IQSEC1: variants seen among roughly 807,000 people sequenced by gnomAD.
The protein encoded by IQSEC1 is IQ motif and Sec7 domain ArfGEF 1.
A neutral mutation model predicts 91.0 loss-of-function variants in IQSEC1; 31 were observed. The observed-to-expected ratio is 0.34, with a 90% CI of 0.26 to 0.46. The LOEUF (loss-of-function observed/expected upper bound fraction) is 0.46. Ranked by LOEUF, IQSEC1 falls within the 20% of genes least tolerant of loss-of-function variation. IQSEC1 has a pLI of 1.00. For missense variants in IQSEC1, 1,388 were observed against 1,575.6 expected (o/e 0.88, Z 2.02); for synonymous variants, 699 against 662.6 (o/e 1.05, Z -0.84).
In IQSEC1 at chr3:12,901,162, G is replaced by A. The variant is rs1428955201; in HGVS notation, c.3166C>T (p.His1056Tyr). The change falls in exon 14 of 14, where the codon CAC becomes TAC. Residue 1056 changes from histidine (H) to tyrosine (Y), a missense_variant. Physicochemically the swap from His to Tyr is moderately conservative, Grantham distance 83. Transcript: ENST00000613206. ...HHPPQHIQHA[H>Y]QYHHGPHGGH... The stretch of plus-strand genomic sequence containing the variant: ...CCATGGGGGCCGTGGTGGTACTGGT[G>A]TGCGTGCTGGATGTGCTGGGGTGGG... 2 of 1,544,296 alleles carry A rather than the reference G, an allele frequency of 1.3e-6. No individual in the cohort carries two copies. The highest frequency in any genetic ancestry group is 1.7e-6 in the Non-Finnish European group (2 of 1,144,834).
chr3:13,213,058 G>C (rs59303147), intron 1 of IQSEC1, among the ~76,000 whole-genome samples: 2,215 of 152,120 alleles, frequency 0.015, 53 homozygotes, highest in African/African-American at 0.05. Context: ...AACTTTGATG[G>C]GGTCCAATTT....
intron 2 of IQSEC1, among the ~76,000 whole-genome samples, chr3:13,097,005 C>T (rs866974845): frequency 5.8e-4 from 88 of 152,202 alleles, no homozygotes; most frequent in African/African-American, 1.8e-3. Flanking sequence ...GGACTACAGG[C>T]GCCCGCCACC....
Position 13,069,819 on chromosome 3 carries a change from C to T in IQSEC1, c.23+3173G>A, listed in dbSNP as rs182194763. On this transcript the variant is annotated intron_variant, in intron 1 of 13. Coordinates refer to ENST00000613206, the MANE Select transcript of IQSEC1 (RefSeq NM_001134382.3). The stretch of plus-strand genomic sequence containing the variant: ...AATTGAGGGCCATCCTTCATTCAGA[C>T]ACCATTCATGAAGCTGCCAGTACAG... Among the ~76,000 whole-genome samples the T allele has an allele frequency of 2.4e-3, 360 of 152,334 alleles. 2 individuals are homozygous for T. Among genetic ancestry groups the T allele is most frequent in the South Asian group, 0.017 (84 of 4,830 alleles).
At chr3:13,036,585 C>T (rs1361362560) in intron 1 of IQSEC1, among the ~76,000 whole-genome samples, 1 of 152,216 alleles carries the variant, frequency 6.6e-6, no homozygotes, top group African/African-American at 2.4e-5. Flanking sequence ...CCACTCCTCC[C>T]TGGACTGAAC....
chr3:13,087,125 C>T lies in IQSEC1; in HGVS notation c.303-39603G>A, dbSNP rs577689500. ...ACCCTTTGAAGGTTTGGTGAAAATCCCACCCCAGACAACATTCTTCCTACA... is the reference window on the plus strand; with the variant it reads ...ACCCTTTGAAGGTTTGGTGAAAATCTCACCCCAGACAACATTCTTCCTACA... On this transcript the variant is annotated intron_variant, in intron 2 of 15. Coordinates refer to the IQSEC1 transcript ENST00000648114. Among the ~76,000 whole-genome samples the T allele has an allele frequency of 8.5e-5, 13 of 152,300 alleles. No individual in the cohort carries two copies. The East Asian group carries it at 2.1e-3, about 25-fold the overall frequency.
At chr3:13,131,852 C>T (rs1706626546) in intron 2 of IQSEC1, among the ~76,000 whole-genome samples, 1 of 151,972 alleles carries the variant, frequency 6.6e-6, no homozygotes, top group Admixed American at 6.6e-5. Context: ...TCTTTTTCTG[C>T]CTTCTTTTAG....
intron 1 of IQSEC1, among the ~76,000 whole-genome samples, chr3:13,040,012 G>A (rs543294008): frequency 2.5e-4 from 38 of 152,332 alleles, no homozygotes; most frequent in East Asian, 1.5e-3. Context: ...TGGCATTAGC[G>A]CGCAGAGTTG....
Position 13,282,943 on chromosome 3 carries a change from A to C in IQSEC1, c.40T>G (p.Tyr14Asp). ...ACGATCCGGGTCAGCTCCTGCAGGTACTCGGCCGCCTGGCCGGGGGGCTCG... is the reference window on the plus strand; with the variant it reads ...ACGATCCGGGTCAGCTCCTGCAGGTCCTCGGCCGCCTGGCCGGGGGGCTCG... The change falls in exon 1 of 16, where the codon TAC becomes GAC. Residue 14 changes from tyrosine to aspartate, a missense_variant. Transcript: ENST00000648114. This position sits in a 1 kb window ranked among gnomAD's most constrained non-coding sequence, Gnocchi z 6.4. Among the ~76,000 whole-genome samples, 1 of 145,652 alleles carries C rather than the reference A, an allele frequency of 6.9e-6. No homozygotes were observed. Among genetic ancestry groups the C allele is most frequent in the East Asian group, 2.0e-4 (1 of 4,976 alleles).
intron 1 of IQSEC1, among the ~76,000 whole-genome samples, chr3:13,072,515 G>A (rs1482557752): frequency 3.9e-5 from 6 of 152,232 alleles, no homozygotes; most frequent in African/African-American, 1.2e-4. Flanking sequence ...TGATGCCTCC[G>A]TGCTAGGGAC....
Position 13,017,545 on chromosome 3 carries a change from C to T in IQSEC1, c.23+55447G>A, listed in dbSNP as rs771706644. The stretch of plus-strand genomic sequence containing the variant: ...ACAACTCCGGTGAGGAAACCAGTAA[C>T]GCAAAGCCTTGGACTCAGGTCCTCC... On this transcript the variant is annotated intron_variant, in intron 1 of 13. Coordinates refer to ENST00000613206, the MANE Select transcript of IQSEC1 (RefSeq NM_001134382.3). Among the ~76,000 whole-genome samples, 15 of 152,318 alleles carry T rather than the reference C, an allele frequency of 9.8e-5. No homozygotes were observed. The South Asian group carries it at 1.2e-3, about 13-fold the overall frequency.
At chr3:13,277,137 A>AAAAAAAAAAAAAAAAAAAAAAAAAC (rs60347391) in intron 1 of IQSEC1, among the ~76,000 whole-genome samples, 4 of 118,328 alleles carry the variant, frequency 3.4e-5, no homozygotes, top group African/African-American at 1.5e-4. Context: ...AAAAAAAAAA[A>AAAAAAAAAAAAAAAAAAAAAAAAAC]CAGAAAACAA....
At chr3:12,930,311 G>A (rs1697556223) in intron 3 of IQSEC1, among the ~76,000 whole-genome samples, 1 of 152,202 alleles carries the variant, frequency 6.6e-6, no homozygotes, top group Non-Finnish European at 1.5e-5. Context: ...ATTGTGCTTG[G>A]CTCCAGTCCT....
rs1227044390 is a variant in IQSEC1, at chr3:12,901,323, G to T, written c.3005C>A (p.Pro1002His). 2.6e-6 allele frequency: 4 copies of T among 1,541,428 alleles called. No individual in the cohort carries two copies. The South Asian group carries it at 4.8e-5, about 18-fold the overall frequency. ...LPPPHPPVVL[P>H]HLQHSVAGHH... is the part of the protein sequence containing the mutation. ...GCCAGCCACAGAGTGCTGCAAGTGA[G>T]GCAGGACCACCGGTGGGTGGGGGGG... Residue 1002 changes from proline to histidine, a missense_variant, in exon 14 of 14, where the codon CCT (proline) becomes CAT (histidine). By Grantham distance (77) the Pro-to-His change is moderately conservative. Coordinates refer to ENST00000613206, the MANE Select transcript of IQSEC1 (RefSeq NM_001134382.3).
At chr3:12,998,862 G>T (rs901241591) in intron 1 of IQSEC1, among the ~76,000 whole-genome samples, 5 of 152,140 alleles carry the variant, frequency 3.3e-5, no homozygotes, top group African/African-American at 9.6e-5. Context: ...GCTATAAAGT[G>T]GGGGGTCGGG....
chr3:13,218,603 T>G (rs1177968843), intron 1 of IQSEC1, among the ~76,000 whole-genome samples: 1 of 152,238 alleles, frequency 6.6e-6, no homozygotes, highest in African/African-American at 2.4e-5. Context: ...TAAAATTTTT[T>G]CATGGAAACT....
rs546415003 is a variant in IQSEC1, at chr3:13,130,224, C to T, written c.302+33880G>A. ...CCAGGTGTGGTGGCGCGCGCCTGTA[C>T]TCCCAGCTACTCGGAAGGCTAAGAT... On this transcript the variant is annotated intron_variant, in intron 2 of 15. Transcript: ENST00000648114. 4.9e-4 allele frequency among the ~76,000 whole-genome samples: 74 copies of T among 151,158 alleles called. 1 individual carries two copies. In the East Asian group the frequency reaches 0.014, roughly 29 times the overall value.
chr3:13,168,751 A>T (rs1693547407), intron 1 of IQSEC1, among the ~76,000 whole-genome samples: 1 of 151,890 alleles, frequency 6.6e-6, no homozygotes, highest in African/African-American at 2.4e-5. Flanking sequence ...CTGGCTTTTG[A>T]TTTCAGTGGC....
At chr3:13,249,592 C>T (rs908545896) in intron 1 of IQSEC1, among the ~76,000 whole-genome samples, 4 of 152,148 alleles carry the variant, frequency 2.6e-5, no homozygotes, top group African/African-American at 9.7e-5. Flanking sequence ...GGAACCAATA[C>T]GGAGCTGTTA....
rs541590828 is a variant in IQSEC1 at position 13,050,116 on chromosome 3, G to T, written c.23+22876C>A. 3.5e-5 allele frequency among the ~76,000 whole-genome samples: 5 copies of T among 140,882 alleles called. No homozygotes were observed. The East Asian group carries it at 8.4e-4, about 24-fold the overall frequency. The allele number at this position is 140,882 out of a possible 152,430, so 92.4% of individuals were successfully genotyped here. A position where few individuals can be genotyped will look rare whatever the true frequency, so the allele number is the denominator to read the frequency against. On this transcript the variant is annotated intron_variant, in intron 1 of 13. Coordinates refer to ENST00000613206, the MANE Select transcript of IQSEC1 (RefSeq NM_001134382.3). The stretch of plus-strand genomic sequence containing the variant: ...GAACACTCAGCAGTTCCTCCCACCA[G>T]CTGCCTCGGTGCCCCACCCCTCCAA...
Sources: gnomAD v4.1 joint callset for allele counts (sites outside exome capture counted in the v4.1 genomes callset) on GRCh38, gnomAD v4.1.1 for gene constraint, Gnocchi (gnomAD v3.1) non-coding constraint, MANE v1.5 for transcripts, NCBI Gene and HGNC (gene_info 2026-07-23, HGNC 2026-07-21) for gene names.